HMCN2: variants seen among roughly 807,000 people sequenced by gnomAD.
HMCN2 encodes the protein hemicentin-2.
Under a neutral mutation model 377.5 loss-of-function variants are expected in HMCN2, and 325 were observed. The observed-to-expected ratio is 0.86, with a 90% CI of 0.79 to 0.94. HMCN2 has a LOEUF of 0.94. Ranked by LOEUF, HMCN2 falls within the 40% of genes least tolerant of loss-of-function variation. The pLI is 0.00. For missense variants in HMCN2, 4,543 were observed against 4,725.3 expected, an observed-to-expected ratio of 0.96 and a Z score of 1.13; for synonymous variants, 2,007 against 2,046.8, an observed-to-expected ratio of 0.98 and a Z score of 0.53.
At position 130,351,229 on chromosome 9, in the gene HMCN2, T is replaced by C. The variant is rs1380801943; in HGVS notation, c.4431-194T>C. ...AATTGCCTTCATTTTTGTGGCTGAA[T>C]AATGTTCCGTGGCATGGACGGACCA... is the stretch of plus-strand genomic sequence containing the variant. On this transcript the variant is annotated intron_variant, in intron 29 of 97. Transcript: ENST00000683500. The surrounding 1 kb of genome is among the most constrained non-coding windows in gnomAD (Gnocchi z 5.4). 6.6e-6 allele frequency among the ~76,000 whole-genome samples: 1 copy of C among 152,244 alleles called. No individual in the cohort carries two copies. The highest frequency in any genetic ancestry group is 1.9e-4 in the East Asian group (1 of 5,196).
chr9:130,276,585 GA>G (rs1834708453), intron 1 of HMCN2, among the ~76,000 whole-genome samples: 1 of 152,220 alleles, frequency 6.6e-6, no homozygotes, highest in Non-Finnish European at 1.5e-5. Flanking sequence ...AGGCCCCGAG[GA>G]GAGTTGCTTG....
intron 8 of HMCN2, among the ~76,000 whole-genome samples, chr9:130,302,205 G>A (rs140532680): frequency 0.013 from 2,010 of 152,084 alleles, 18 homozygotes; most frequent in Non-Finnish European, 0.017. Context: ...GCGACACCAC[G>A]CCCAGCTAAG....
At chr9:130,399,436 A>AC (rs1394106479) in intron 75 of HMCN2, 75 bp from the exon 76 acceptor site, 2 of 1,183,502 alleles carry the variant, frequency 1.7e-6, no homozygotes, top group Admixed American at 6.4e-5. Flanking sequence ...TGGGCGTGAG[A>AC]CCCCCACAGC....
intron 8 of HMCN2, among the ~76,000 whole-genome samples, chr9:130,299,605 A>G (rs1447532926): frequency 3.3e-5 from 5 of 149,254 alleles, no homozygotes; most frequent in African/African-American, 5.0e-5. Flanking sequence ...CCATTCATCC[A>G]CTCATGCACC....
At chr9:130,421,121 C>T (rs1843977414) in intron 86 of HMCN2, among the ~76,000 whole-genome samples, 1 of 152,196 alleles carries the variant, frequency 6.6e-6, no homozygotes, top group Non-Finnish European at 1.5e-5. Context: ...AATTTACACC[C>T]TCTATAACCT....
chr9:130,398,707 G>C lies in HMCN2; in HGVS notation c.11483G>C (p.Arg3828Pro). The C allele has an allele frequency of 7.8e-7, 1 of 1,289,122 alleles. No homozygotes were observed. The highest frequency in any genetic ancestry group is 1.0e-6 in the Non-Finnish European group (1 of 988,396). The allele number at this position is 1,289,122 out of a possible 1,614,324, so 79.9% of individuals were successfully genotyped here. The change falls in exon 75 of 98, where the codon CGG becomes CCG. Residue 3828 changes from arginine to proline, a missense_variant and splice_region_variant. This residue lies in a region of HMCN2 where 1,073 missense variants were observed against 1,319.5 expected (regional missense o/e 0.81). Transcript: ENST00000683500. ...LDFRLQQGAY[R>P]LLPSNALLLT... The stretch of plus-strand genomic sequence containing the variant: ...TTCCGCCTGCAGCAGGGCGCCTACC[G>C]GTAACGAGCTGGACTTTGCGGTGGC...
intron 66 of HMCN2, among the ~76,000 whole-genome samples, chr9:130,392,903 G>A (rs1241827844): frequency 6.6e-6 from 1 of 152,046 alleles, no homozygotes; most frequent in Non-Finnish European, 1.5e-5. Context: ...GGCTGAGGCA[G>A]GAGAATGGCG....
At chr9:130,290,138 C>T (rs1192817661) in intron 4 of HMCN2, among the ~76,000 whole-genome samples, 1 of 152,242 alleles carries the variant, frequency 6.6e-6, no homozygotes, top group Non-Finnish European at 1.5e-5. Context: ...AAGCCATTGC[C>T]TTCACCAGAT....
chr9:130,392,388 C>T (rs1041565504), intron 66 of HMCN2, among the ~76,000 whole-genome samples: 4 of 152,140 alleles, frequency 2.6e-5, no homozygotes, highest in South Asian at 2.1e-4. Context: ...GGCCTGAGGA[C>T]GGACTGTTGG....
At chr9:130,398,178 A>AAT (rs1842701343) in intron 74 of HMCN2, among the ~76,000 whole-genome samples, 1 of 148,450 alleles carries the variant, frequency 6.7e-6, no homozygotes, top group Admixed American at 6.7e-5. Context: ...AAAAAAAAAA[A>AAT]GTAAAACATG....
Position 130,369,026 on chromosome 9 carries a change from A to T in HMCN2, c.6788-544A>T, listed in dbSNP as rs1318936632. 6.6e-6 allele frequency among the ~76,000 whole-genome samples: 1 copy of T among 152,134 alleles called. No individual in the cohort carries two copies. The highest frequency in any genetic ancestry group is 1.5e-5 in the Non-Finnish European group (1 of 68,014). On this transcript the variant is annotated intron_variant, in intron 44 of 97. Coordinates refer to ENST00000683500, the MANE Select transcript of HMCN2 (RefSeq NM_001291815.2). The surrounding 1 kb of genome is among the most constrained non-coding windows in gnomAD (Gnocchi z 4.5). ...GGGTGGGGGCAGCAGCACAGTCCCT[A>T]AGGGCCCCCCAGTGGTCCAGAGGAG... is the stretch of plus-strand genomic sequence containing the variant.
intron 15 of HMCN2, among the ~76,000 whole-genome samples, chr9:130,313,774 CTTTTT>C (rs1215426849): frequency 6.1e-5 from 5 of 81,558 alleles, no homozygotes; most frequent in Admixed American, 1.6e-4. Context: ...TGTGTGTCCT[CTTTTT>C]TTTTTTTTTT....
intron 85 of HMCN2, among the ~76,000 whole-genome samples, chr9:130,416,399 C>T (rs1843703168): frequency 6.6e-6 from 1 of 152,214 alleles, no homozygotes; most frequent in South Asian, 2.1e-4. Flanking sequence ...GTCACTGCGC[C>T]TGGCCTCGAC....
chr9:130,349,990 TG>T (rs1194725889), intron 29 of HMCN2, among the ~76,000 whole-genome samples: 1 of 136,100 alleles, frequency 7.3e-6, no homozygotes, highest in Non-Finnish European at 1.5e-5. Context: ...CTCAAACTCC[TG>T]GGCTTCTTGG....
chr9:130,432,729 C>A, intron 97 of HMCN2, 174 bp downstream of exon 97: 1 of 655,916 alleles, frequency 1.5e-6, no homozygotes, highest in Non-Finnish European at 2.6e-6. Context: ...GACACAGGAG[C>A]ACACACACCA....
chr9:130,338,835 A>G (rs1056071819), intron 23 of HMCN2, among the ~76,000 whole-genome samples: 11 of 152,226 alleles, frequency 7.2e-5, no homozygotes, highest in Non-Finnish European at 1.2e-4. Flanking sequence ...AAATAATTGG[A>G]CAAGCACAAA....
intron 4 of HMCN2, among the ~76,000 whole-genome samples, chr9:130,286,807 A>G (rs1221398292): frequency 3.3e-5 from 5 of 152,160 alleles, no homozygotes; most frequent in Admixed American, 3.3e-4. Flanking sequence ...TGTGTGGCCT[A>G]CAGTGCCGGG....
Position 130,360,534 on chromosome 9 carries a change from T to C in HMCN2, c.5880T>C (p.Ala1960=). The C allele has an allele frequency of 2.3e-6, 3 of 1,304,196 alleles. No individual in the cohort carries two copies. The highest frequency in any genetic ancestry group is 1.0e-6 in the Non-Finnish European group (1 of 988,932). The allele number at this position is 1,304,196 out of a possible 1,614,324, so 80.8% of individuals were successfully genotyped here. A position where few individuals can be genotyped will look rare whatever the true frequency, so the allele number is the denominator to read the frequency against. The part of the protein sequence containing the change: ...LRIEQAQLSD[A]GSYRCVASNV... ...TTGAGCAAGCCCAGCTTTCTGATGCTGGGAGCTACCGCTGTGTGGCATCCA... is the reference window on the plus strand; with the variant it reads ...TTGAGCAAGCCCAGCTTTCTGATGCCGGGAGCTACCGCTGTGTGGCATCCA... The change falls in exon 38 of 98, where the codon GCT becomes GCC. Residue 1960 remains alanine (A), a synonymous_variant. Coordinates refer to ENST00000683500, the MANE Select transcript of HMCN2 (RefSeq NM_001291815.2). The surrounding 1 kb of genome is among the most constrained non-coding windows in gnomAD (Gnocchi z 4.7).
chr9:130,284,487 G>A, intron 1 of HMCN2, 116 bp from the exon 2 acceptor site: 1 of 429,188 alleles, frequency 2.3e-6, no homozygotes, highest in Non-Finnish European at 4.8e-6. Context: ...TCCCCGTCTT[G>A]TGTGCCAGCC....
Sources: allele counts gnomAD v4.1 joint callset (sites outside exome capture counted in the v4.1 genomes callset), GRCh38; gene constraint gnomAD v4.1.1; regional missense constraint gnomAD v4.1.1; non-coding constraint Gnocchi (gnomAD v3.1); transcripts MANE v1.5; gene names NCBI Gene and HGNC (gene_info 2026-07-23, HGNC 2026-07-21).